AKAP7: variants seen among roughly 807,000 people sequenced by gnomAD.
AKAP7 encodes the protein A kinase (PRKA) anchor protein 7.
Under a neutral mutation model 39.5 loss-of-function variants are expected in AKAP7, and 39 were observed. The observed-to-expected ratio is 0.99, with a 90% CI of 0.76 to 1.29. The LOEUF (loss-of-function observed/expected upper bound fraction) is 1.29. Among genes scored for constraint, AKAP7 ranks in the 50% most tolerant of loss-of-function variants. AKAP7 has a pLI of 0.00. For synonymous variants in AKAP7, 140 were observed against 139.1 expected, an observed-to-expected ratio of 1.01 and a Z score of -0.05; for missense variants, 414 against 407.7, an observed-to-expected ratio of 1.02 and a Z score of -0.13.
Position 131,269,950 on chromosome 6 carries a change from C to T in AKAP7, c.851-11580C>T, listed in dbSNP as rs557802250. 2.6e-5 allele frequency among the ~76,000 whole-genome samples: 4 copies of T among 152,218 alleles called. No individual in the cohort carries two copies. In the South Asian group the frequency reaches 8.3e-4, roughly 32 times the overall value. ...GTCTAAAACAGAGGGGCTGAGAAAG[C>T]CATCATCATTACCAGCCACATGCTA... On this transcript the variant is annotated intron_variant, in intron 7 of 7. Transcript: ENST00000431975.
intron 4 of AKAP7, among the ~76,000 whole-genome samples, chr6:131,168,731 A>G (rs1803744973): frequency 6.6e-6 from 1 of 152,218 alleles, no homozygotes; most frequent in South Asian, 2.1e-4. Flanking sequence ...ACTTTCATCA[A>G]AAATCTAGAA....
At chr6:131,128,653 T>C in the AKAP7 span, among the ~76,000 whole-genome samples, 1 of 151,954 alleles carries the variant, frequency 6.6e-6, no homozygotes, top group African/African-American at 2.4e-5. Flanking sequence ...CGAAACCCCA[T>C]CTCTACTAAG....
chr6:131,217,011 C>G (rs889797787), intron 6 of AKAP7, among the ~76,000 whole-genome samples: 1 of 152,192 alleles, frequency 6.6e-6, no homozygotes, highest in African/African-American at 2.4e-5. Context: ...ATCTTTTGAA[C>G]TCTCCTAACA....
At chr6:131,134,164 G>A (rs1454410804), upstream of AKAP7, among the ~76,000 whole-genome samples, 2 of 152,124 alleles carry the variant, frequency 1.3e-5, no homozygotes, top group African/African-American at 4.8e-5. Context: ...TAGAGACAGG[G>A]TTTTGCTATG....
intron 7 of AKAP7, among the ~76,000 whole-genome samples, chr6:131,280,777 G>A (rs533588374): frequency 6.6e-6 from 1 of 152,300 alleles, no homozygotes; most frequent in East Asian, 1.9e-4. Context: ...TGGGAAATGT[G>A]TAGCATGAGA....
intron 5 of AKAP7, among the ~76,000 whole-genome samples, chr6:131,199,107 T>C (rs1024859035): frequency 6.6e-6 from 1 of 152,214 alleles, no homozygotes; most frequent in East Asian, 1.9e-4. Context: ...ATGAAGGGTT[T>C]CAGATAAGCT....
intron 5 of AKAP7, among the ~76,000 whole-genome samples, chr6:131,172,887 C>T (rs991300510): frequency 2.0e-5 from 3 of 152,246 alleles, no homozygotes; most frequent in African/African-American, 7.2e-5. Context: ...TGTTAAATAA[C>T]ATGAGTTGAT....
intron 1 of AKAP7, among the ~76,000 whole-genome samples, chr6:131,139,810 T>C (rs571485806): frequency 2.0e-5 from 3 of 152,352 alleles, no homozygotes; most frequent in East Asian, 1.9e-4. Context: ...AGTGCAGTTA[T>C]AGGAAGTTGT....
At position 131,282,107 on chromosome 6, in the gene AKAP7, G is replaced by A. The variant is rs1815247026; in HGVS notation, c.*381G>A. 2.6e-6 allele frequency: 3 copies of A among 1,153,852 alleles called. No individual in the cohort carries two copies. Among genetic ancestry groups the A allele is most frequent in the East Asian group, 4.5e-5 (1 of 22,244 alleles). 71.5% of individuals were successfully genotyped at this position (1,153,852 alleles called of 1,614,324 possible). A position where few individuals can be genotyped will look rare whatever the true frequency, so the allele number is the denominator to read the frequency against. On this transcript the variant is annotated 3_prime_UTR_variant, in exon 8 of 8. Transcript: ENST00000431975. ...AGGGCATTTGACTACTTTATCTGAG[G>A]CCAGAACTCTCACACACAGCTATCA...
chr6:131,261,502 T>TTA (rs1257730878), intron 7 of AKAP7, among the ~76,000 whole-genome samples: 1 of 151,928 alleles, frequency 6.6e-6, no homozygotes, highest in Non-Finnish European at 1.5e-5. Flanking sequence ...TAAAATTAGT[T>TTA]TGGTAAATTT....
At chr6:131,153,007 G>A (rs757833289) in intron 2 of AKAP7, among the ~76,000 whole-genome samples, 3 of 151,734 alleles carry the variant, frequency 2.0e-5, no homozygotes, top group South Asian at 2.1e-4. Context: ...GCGTGTGCCT[G>A]TAGTCCTAGC....
At chr6:131,133,502 G>A (rs368065001), upstream of AKAP7, among the ~76,000 whole-genome samples, 53 of 152,256 alleles carry the variant, frequency 3.5e-4, no homozygotes, top group African/African-American at 1.2e-3. Flanking sequence ...TCAGACTTGG[G>A]TAATTAAAAT....
chr6:131,239,223 T>C (rs1192762291), intron 7 of AKAP7, among the ~76,000 whole-genome samples: 2 of 152,210 alleles, frequency 1.3e-5, no homozygotes, highest in Non-Finnish European at 2.9e-5. Context: ...TTTAAGAATG[T>C]TGAATATTGG....
In AKAP7 at chr6:131,146,291, T is replaced by C. The variant is rs1161617855; in HGVS notation, c.151+875T>C. On this transcript the variant is annotated intron_variant, in intron 2 of 7. Coordinates refer to ENST00000431975, the MANE Select transcript of AKAP7 (RefSeq NM_016377.4). The stretch of plus-strand genomic sequence containing the variant: ...AACAATGCTTACTTGATTGAAATAC[T>C]GCTGGAATTACATAAATATCCAAAT... 1.3e-5 allele frequency among the ~76,000 whole-genome samples: 2 copies of C among 152,244 alleles called. 1 individual carries two copies. Among genetic ancestry groups the C allele is most frequent in the Non-Finnish European group, 2.9e-5 (2 of 68,042 alleles).
rs112128279 is a variant in AKAP7 at position 131,177,088 on chromosome 6, T to G, written c.589+7815T>G. ...TCTTAATCCTTTTTATTCTCACCTC[T>G]TTTATTTACTTGATTTTCAATCAAA... On this transcript the variant is annotated intron_variant, in intron 5 of 7. Coordinates refer to ENST00000431975, the MANE Select transcript of AKAP7 (RefSeq NM_016377.4). 5.0e-3 allele frequency among the ~76,000 whole-genome samples: 769 copies of G among 152,318 alleles called. 8 individuals carry two copies. Among genetic ancestry groups the G allele is most frequent in the African/African-American group, 0.017 (727 of 41,568 alleles).
At chr6:131,227,293 C>T (rs995125900) in intron 7 of AKAP7, among the ~76,000 whole-genome samples, 1 of 152,026 alleles carries the variant, frequency 6.6e-6, no homozygotes, top group Non-Finnish European at 1.5e-5. Context: ...AGGGTGGAGG[C>T]ATTAATAGTG....
chr6:131,250,537 A>G lies in AKAP7; in HGVS notation c.850+30729A>G, dbSNP rs1812362497. 6 of 1,613,932 alleles carry G rather than the reference A, an allele frequency of 3.7e-6. No individual in the cohort carries two copies. In the East Asian group the frequency reaches 1.3e-4, roughly 36 times the overall value. On this transcript the variant is annotated intron_variant, in intron 7 of 7. Coordinates refer to ENST00000431975, the MANE Select transcript of AKAP7 (RefSeq NM_016377.4). ...TCTATTTGGGGTCCTCACGGAGAAG[A>G]ACACCAGGAAAGACAGACAGGACCA...
intron 2 of AKAP7, among the ~76,000 whole-genome samples, chr6:131,145,676 G>A (rs1269867843): frequency 1.3e-5 from 2 of 152,004 alleles, no homozygotes; most frequent in African/African-American, 4.8e-5. Context: ...CCTGGTGGGA[G>A]GTAGCTGGGA....
chr6:131,223,475 T>C lies in AKAP7; in HGVS notation c.850+3667T>C, dbSNP rs1456143758. On this transcript the variant is annotated intron_variant, in intron 7 of 7. Transcript: ENST00000431975. ...CTTCAGCTATTTTAAACAGAAGATA[T>C]TCAGTATGTCGTTTGAATTTTATAT... Among the ~76,000 whole-genome samples, 2 of 152,250 alleles carry C rather than the reference T, an allele frequency of 1.3e-5. 1 individual carries two copies. Among genetic ancestry groups the C allele is most frequent in the Non-Finnish European group, 2.9e-5 (2 of 68,040 alleles).
Sources: gnomAD v4.1 joint callset for allele counts (sites outside exome capture counted in the v4.1 genomes callset) on GRCh38, gnomAD v4.1.1 for gene constraint, MANE v1.5 for transcripts, NCBI Gene and HGNC (gene_info 2026-07-23, HGNC 2026-07-21) for gene names.